Variants in LIN52 observed in about 807,000 individuals in gnomAD.
The protein encoded by LIN52 is protein lin-52 homolog.
Under a neutral mutation model 18.5 loss-of-function variants are expected in LIN52, and 4 were observed. That is an observed-to-expected ratio of 0.22 (90% CI 0.11 to 0.49). LIN52 has a LOEUF of 0.49. Among genes scored for constraint, LIN52 ranks in the 20% least tolerant of loss-of-function variants. The probability of loss-of-function intolerance (pLI) is 0.97; values close to 1 mark genes in which losing one functional copy is unlikely to be tolerated. For synonymous variants in LIN52, 34 were observed against 45.5 expected (o/e 0.75, Z 1.02); for missense variants, 102 against 139.5 (o/e 0.73, Z 1.35).
chr14:74,110,965 CAA>C (rs1242695199), intron 5 of LIN52, among the ~76,000 whole-genome samples: 11 of 114,744 alleles, frequency 9.6e-5, no homozygotes, highest in Admixed American at 1.8e-4. Context: ...GACTCCGTCT[CAA>C]AAAAAAAAAA....
chr14:74,099,248 T>C (rs2060837411), intron 4 of LIN52, among the ~76,000 whole-genome samples: 1 of 152,126 alleles, frequency 6.6e-6, no homozygotes, highest in African/African-American at 2.4e-5. Flanking sequence ...ATGCTAGGTG[T>C]AGATAATGAC....
intron 5 of LIN52, among the ~76,000 whole-genome samples, chr14:74,196,756 C>G (rs533231357): frequency 7.6e-4 from 115 of 152,134 alleles, no homozygotes; most frequent in Non-Finnish European, 1.1e-3. Context: ...AACTTACCCC[C>G]CTCTGGAAAG....
chr14:74,173,429 C>T (rs865827404), intron 5 of LIN52, among the ~76,000 whole-genome samples: 15 of 152,132 alleles, frequency 9.9e-5, no homozygotes, highest in African/African-American at 3.4e-4. Context: ...TCAGGTGATC[C>T]GCCCGCCTTG....
At chr14:74,135,820 T>G (rs75877798) in intron 5 of LIN52, among the ~76,000 whole-genome samples, 2 of 36,896 alleles carry the variant, frequency 5.4e-5, no homozygotes, top group Admixed American at 2.7e-4. Context: ...GAACAGGGAG[T>G]TTTTTTTTTT....
chr14:74,169,501 C>G (rs2061262353), intron 5 of LIN52, among the ~76,000 whole-genome samples: 1 of 152,190 alleles, frequency 6.6e-6, no homozygotes. Flanking sequence ...CATTTTCTCT[C>G]CAACATTTCC....
chr14:74,142,631 C>T (rs927883732), intron 5 of LIN52, among the ~76,000 whole-genome samples: 1 of 151,630 alleles, frequency 6.6e-6, no homozygotes, highest in Non-Finnish European at 1.5e-5. Context: ...CCATGTGTCG[C>T]TAATGACTAC....
intron 5 of LIN52, among the ~76,000 whole-genome samples, chr14:74,141,338 A>G (rs1240474397): frequency 6.6e-6 from 1 of 152,164 alleles, no homozygotes. Context: ...TTTGTGACTT[A>G]TCTTTGACCC....
At chr14:74,195,515 T>C (rs1054862298) in intron 5 of LIN52, among the ~76,000 whole-genome samples, 2 of 151,402 alleles carry the variant, frequency 1.3e-5, no homozygotes, top group Admixed American at 6.6e-5. Flanking sequence ...CATTTATTTA[T>C]AAGACCCTAC....
intron 1 of LIN52, chr14:74,085,345 T>C (rs1476748): frequency 0.93 from 207,180 of 223,516 alleles, 96,085 homozygotes; most frequent in East Asian, 0.99. Flanking sequence ...CTGTAGTTTT[T>C]TCCTTGGGGT....
At chr14:74,136,609 T>C (rs577000296) in intron 5 of LIN52, among the ~76,000 whole-genome samples, 9 of 152,336 alleles carry the variant, frequency 5.9e-5, no homozygotes, top group South Asian at 2.1e-4. Context: ...AGTCTCACAG[T>C]GTTGGAGGAA....
At chr14:74,178,018 A>T (rs1221512871) in intron 5 of LIN52, among the ~76,000 whole-genome samples, 2 of 152,086 alleles carry the variant, frequency 1.3e-5, no homozygotes, top group African/African-American at 2.4e-5. Context: ...ACCTCAAGTG[A>T]TTCACCTGCC....
At chr14:74,122,859 C>G (rs2061007634) in intron 5 of LIN52, among the ~76,000 whole-genome samples, 1 of 151,364 alleles carries the variant, frequency 6.6e-6, no homozygotes, top group South Asian at 2.1e-4. Context: ...CAGAGTGAGA[C>G]TCTGTCTCAA....
At position 74,114,936 on chromosome 14, in the gene LIN52, G is replaced by A. The variant is rs113203062; in HGVS notation, c.283+13698G>A. On this transcript the variant is annotated intron_variant, in intron 5 of 5. Coordinates refer to ENST00000555028, the MANE Select transcript of LIN52 (RefSeq NM_001024674.3). The stretch of plus-strand genomic sequence containing the variant: ...CTTCCACAATAGTGCTTTTTCTTTC[G>A]GTTCCCTACCTATGAACTTTTCCTG... Among the ~76,000 whole-genome samples the A allele has an allele frequency of 2.0e-3, 300 of 152,094 alleles. 2 individuals carry two copies. The highest frequency in any genetic ancestry group is 6.9e-3 in the African/African-American group (286 of 41,496).
chr14:74,104,699 G>C (rs185963291), intron 5 of LIN52, among the ~76,000 whole-genome samples: 34 of 149,592 alleles, frequency 2.3e-4, no homozygotes, highest in African/African-American at 7.6e-4. Flanking sequence ...ATGGATTCTA[G>C]ATCTAACTAT....
intron 1 of LIN52, among the ~76,000 whole-genome samples, chr14:74,085,822 A>C (rs1016256129): frequency 6.6e-6 from 1 of 152,276 alleles, no homozygotes; most frequent in Non-Finnish European, 1.5e-5. Context: ...TCCCAACTAT[A>C]TATCGATTTT....
intron 5 of LIN52, among the ~76,000 whole-genome samples, chr14:74,152,124 A>T: frequency 6.6e-6 from 1 of 152,094 alleles, no homozygotes; most frequent in South Asian, 2.1e-4. Flanking sequence ...TTAGCCTGAC[A>T]TGATGGTGCA....
At chr14:74,176,301 G>A (rs191825752) in intron 5 of LIN52, among the ~76,000 whole-genome samples, 5 of 152,054 alleles carry the variant, frequency 3.3e-5, no homozygotes, top group South Asian at 2.1e-4. Context: ...TAGTAGAGAC[G>A]GGGTTTCACC....
chr14:74,191,290 T>C (rs1345141311), intron 5 of LIN52, among the ~76,000 whole-genome samples: 2 of 152,238 alleles, frequency 1.3e-5, no homozygotes, highest in African/African-American at 4.8e-5. Flanking sequence ...AGTCTCTTTC[T>C]GTGGGAAAGC....
intron 2 of LIN52, among the ~76,000 whole-genome samples, chr14:74,094,815 C>T (rs1274257077): frequency 2.0e-5 from 3 of 151,808 alleles, no homozygotes; most frequent in Non-Finnish European, 4.4e-5. Flanking sequence ...GCAACCTCCA[C>T]CTCCCGGGTT....
Sources: gnomAD v4.1 joint callset for allele counts (sites outside exome capture counted in the v4.1 genomes callset) on GRCh38, gnomAD v4.1.1 for gene constraint, MANE v1.5 for transcripts, NCBI Gene and HGNC (gene_info 2026-07-23, HGNC 2026-07-21) for gene names.